COMMD1: variants seen among roughly 807,000 people sequenced by gnomAD.
COMMD1 encodes the protein copper metabolism domain containing 1, also known as COMM domain-containing protein 1.
In COMMD1, 10 loss-of-function variants were observed where a neutral mutation model predicts 17.2. That is an observed-to-expected ratio of 0.58 (90% CI 0.36 to 0.99). COMMD1 has a LOEUF of 0.99. COMMD1 is among the 50% of genes least tolerant of loss of function. The probability of loss-of-function intolerance (pLI) is 0.01; values close to 1 mark genes in which losing one functional copy is unlikely to be tolerated. For missense variants in COMMD1, 270 were observed against 231.8 expected, an observed-to-expected ratio of 1.17 and a Z score of -1.07; for synonymous variants, 97 against 91.6, an observed-to-expected ratio of 1.06 and a Z score of -0.34.
chr2:62,006,911 T>C (rs1396624355), intron 2 of COMMD1, among the ~76,000 whole-genome samples: 1 of 152,198 alleles, frequency 6.6e-6, no homozygotes, highest in Non-Finnish European at 1.5e-5. Flanking sequence ...TTATTTCTTC[T>C]TTTTAGGCTT....
intron 2 of COMMD1, among the ~76,000 whole-genome samples, chr2:62,070,548 T>TAA (rs70946779): frequency 0.24 from 31,706 of 130,834 alleles, 4,431 homozygotes; most frequent in East Asian, 0.47. Flanking sequence ...ACCCTGTCTC[T>TAA]AAAAAAAAAA....
At chr2:62,125,869 C>A (rs1672872229) in intron 2 of COMMD1, among the ~76,000 whole-genome samples, 1 of 152,128 alleles carries the variant, frequency 6.6e-6, no homozygotes, top group South Asian at 2.1e-4. Context: ...AAACCATCAC[C>A]TACATATTAA....
intron 2 of COMMD1, among the ~76,000 whole-genome samples, chr2:62,113,152 C>A (rs1351334567): frequency 2.0e-5 from 3 of 151,484 alleles, no homozygotes; most frequent in Non-Finnish European, 4.4e-5. Flanking sequence ...CAAGACTAGC[C>A]TGGGCAACAT....
intron 2 of COMMD1, among the ~76,000 whole-genome samples, chr2:62,130,359 C>G (rs1298523307): frequency 2.6e-5 from 4 of 151,476 alleles, no homozygotes; most frequent in Non-Finnish European, 4.4e-5. Flanking sequence ...ACTGCAACCT[C>G]CCTCTCCCAG....
intron 1 of COMMD1, among the ~76,000 whole-genome samples, chr2:61,968,434 A>T (rs1165984000): frequency 6.6e-6 from 1 of 152,224 alleles, no homozygotes; most frequent in Non-Finnish European, 1.5e-5. Flanking sequence ...CAGTAAAACC[A>T]TACTATAATT....
At chr2:61,970,696 A>G (rs1464079528) in intron 1 of COMMD1, among the ~76,000 whole-genome samples, 1 of 152,238 alleles carries the variant, frequency 6.6e-6, no homozygotes, top group East Asian at 1.9e-4. Context: ...AAATACCATG[A>G]TAAAGAATAT....
chr2:61,963,762 T>G (rs1671432487), intron 1 of COMMD1, among the ~76,000 whole-genome samples: 1 of 152,216 alleles, frequency 6.6e-6, no homozygotes, highest in Admixed American at 6.5e-5. Flanking sequence ...GGCCTAAGTC[T>G]TGGTAGTTTG....
chr2:61,986,769 A>G (rs1040606309), intron 1 of COMMD1, among the ~76,000 whole-genome samples: 3 of 151,506 alleles, frequency 2.0e-5, no homozygotes, highest in Non-Finnish European at 4.4e-5. Flanking sequence ...AGGTTTTGCC[A>G]TGTTGCCCAG....
At chr2:61,905,666 G>C, upstream of COMMD1, 1 of 1,538,936 alleles carries the variant, frequency 6.5e-7, no homozygotes, top group Non-Finnish European at 8.8e-7. Context: ...GCGGGGCGGG[G>C]CCTTCGCAGA....
Position 62,034,510 on chromosome 2 carries a change from G to T in COMMD1, c.462+33528G>T, listed in dbSNP as rs148081825. ...CTCAGTCTCAAAAAAGAAAAGAAAA[G>T]AAAAATACAGTGAAGACTGGTGTAC... On this transcript the variant is annotated intron_variant, in intron 2 of 2. Transcript: ENST00000311832. Among the ~76,000 whole-genome samples, 1,143 of 152,154 alleles carry T rather than the reference G, an allele frequency of 7.5e-3. 7 individuals carry two copies. Among genetic ancestry groups the T allele is most frequent in the South Asian group, 0.019 (94 of 4,826 alleles).
intron 1 of COMMD1, among the ~76,000 whole-genome samples, chr2:61,930,947 A>G (rs1267656297): frequency 6.6e-6 from 1 of 152,108 alleles, no homozygotes; most frequent in African/African-American, 2.4e-5. Flanking sequence ...CCAATTATAT[A>G]TGCTCGAACT....
intron 2 of COMMD1, among the ~76,000 whole-genome samples, chr2:62,117,372 A>C (rs1672636862): frequency 6.6e-6 from 1 of 152,214 alleles, no homozygotes; most frequent in South Asian, 2.1e-4. Context: ...AGTCTTTCTT[A>C]AAGTTAACTG....
intron 1 of COMMD1, among the ~76,000 whole-genome samples, chr2:61,959,210 C>T (rs1294377357): frequency 2.0e-5 from 3 of 151,894 alleles, no homozygotes; most frequent in East Asian, 1.9e-4. Flanking sequence ...GTATCATTTG[C>T]GTATGTATGC....
intron 2 of COMMD1, among the ~76,000 whole-genome samples, chr2:62,046,794 ACT>A (rs546210136): frequency 7.5e-4 from 114 of 152,220 alleles, no homozygotes; most frequent in Middle Eastern, 3.4e-3. Flanking sequence ...CAGTTGTTTC[ACT>A]CTCTGCAATA....
intron 2 of COMMD1, among the ~76,000 whole-genome samples, chr2:62,024,089 ATG>A (rs1247346595): frequency 6.6e-6 from 1 of 152,252 alleles, no homozygotes; most frequent in East Asian, 1.9e-4. Context: ...TATATTCACA[ATG>A]TTGTTCAACC....
intron 1 of COMMD1, among the ~76,000 whole-genome samples, chr2:61,979,736 G>C (rs1671905426): frequency 6.7e-6 from 1 of 148,494 alleles, no homozygotes; most frequent in Non-Finnish European, 1.5e-5. Context: ...CCTGTCTTTT[G>C]GATATAAGTC....
chr2:61,959,503 T>G (rs1017318976), intron 1 of COMMD1, among the ~76,000 whole-genome samples: 92 of 152,216 alleles, frequency 6.0e-4, no homozygotes, highest in African/African-American at 1.9e-3. Context: ...GTAATTTTAT[T>G]TAATTTTTAT....
chr2:62,076,438 T>A (rs1671338637), intron 2 of COMMD1, among the ~76,000 whole-genome samples: 1 of 151,846 alleles, frequency 6.6e-6, no homozygotes, highest in African/African-American at 2.4e-5. Context: ...GGGAAAGAGG[T>A]CAAGTTGAAA....
In COMMD1 at chr2:61,993,812, T is replaced by C. The variant is rs372056404; in HGVS notation, c.181-6889T>C. Among the ~76,000 whole-genome samples the C allele has an allele frequency of 1.3e-4, 20 of 152,334 alleles. No homozygotes were observed. In the East Asian group the frequency reaches 2.3e-3, roughly 18 times the overall value. On this transcript the variant is annotated intron_variant, in intron 1 of 2. Coordinates refer to ENST00000311832, the MANE Select transcript of COMMD1 (RefSeq NM_152516.4). ...ACTGGAACCCAACCAAAATAACTTT[T>C]GTCACAGATGAAATTATATCAGAAT...
Sources: gnomAD v4.1 joint callset for allele counts (sites outside exome capture counted in the v4.1 genomes callset) on GRCh38, gnomAD v4.1.1 for gene constraint, MANE v1.5 for transcripts, NCBI Gene and HGNC (gene_info 2026-07-23, HGNC 2026-07-21) for gene names.